FOSL2: variants seen among roughly 807,000 people sequenced by gnomAD.
FOSL2 encodes the protein fos-related antigen 2.
In FOSL2, 3 loss-of-function variants were observed where a neutral mutation model predicts 27.7. That is an observed-to-expected ratio of 0.11 (90% CI 0.05 to 0.28). The LOEUF is 0.28. Ranked by LOEUF, FOSL2 falls within the 10% of genes least tolerant of loss-of-function variation. The probability of loss-of-function intolerance (pLI) is 1.00; values close to 1 mark genes in which losing one functional copy is unlikely to be tolerated. For synonymous variants in FOSL2, 179 were observed against 190.1 expected, an observed-to-expected ratio of 0.94 and a Z score of 0.48; for missense variants, 333 against 445.1, an observed-to-expected ratio of 0.75 and a Z score of 2.27.
In FOSL2 at chr2:28,404,099, C is replaced by T. The variant is rs1463006227; in HGVS notation, c.103-8C>T. ...TTGGCTCATTTGTATTTTTTTTCCT[C>T]ATTTCAGAAATTCCGGGTAGATATG... On this transcript the variant is annotated splice_polypyrimidine_tract_variant and splice_region_variant and intron_variant, in intron 1 of 3. Coordinates refer to ENST00000264716, the MANE Select transcript of FOSL2 (RefSeq NM_005253.4). The surrounding 1 kb of genome is among the most constrained non-coding windows in gnomAD (Gnocchi z 4.7). 6.2e-7 allele frequency: 1 copy of T among 1,610,970 alleles called. No individual in the cohort carries two copies. Among genetic ancestry groups the T allele is most frequent in the Non-Finnish European group, 8.5e-7 (1 of 1,178,930 alleles).
At chr2:28,401,521 C>T (rs1231569353) in intron 1 of FOSL2, among the ~76,000 whole-genome samples, 2 of 152,180 alleles carry the variant, frequency 1.3e-5, no homozygotes, top group Non-Finnish European at 2.9e-5. Context: ...AGCCAGGCCT[C>T]AACCCCATGC....
At chr2:28,403,048 A>G (rs1664007161) in intron 1 of FOSL2, among the ~76,000 whole-genome samples, 2 of 152,044 alleles carry the variant, frequency 1.3e-5, no homozygotes. Context: ...CTACTTGGAG[A>G]AGCTTTATGT....
Position 28,404,453 on chromosome 2 carries a change from C to A in FOSL2, c.354+95C>A. 1.4e-6 allele frequency: 2 copies of A among 1,451,294 alleles called. No homozygotes were observed. Among genetic ancestry groups the A allele is most frequent in the South Asian group, 1.3e-5 (1 of 75,438 alleles). 89.9% of individuals were successfully genotyped at this position (1,451,294 alleles called of 1,614,324 possible). A position where few individuals can be genotyped will look rare whatever the true frequency, so the allele number is the denominator to read the frequency against. ...TCTGCAGACTGGGAGGGTTAATGTTCTGAGAGCAGGGGAGACAAGGGAGCT... is the reference window on the plus strand; with the variant it reads ...TCTGCAGACTGGGAGGGTTAATGTTATGAGAGCAGGGGAGACAAGGGAGCT... On this transcript the variant is annotated intron_variant, in intron 2 of 3. Coordinates refer to ENST00000264716, the MANE Select transcript of FOSL2 (RefSeq NM_005253.4). This position sits in a 1 kb window ranked among gnomAD's most constrained non-coding sequence, Gnocchi z 4.7.
chr2:28,394,279 T>C (rs1345002893), intron 1 of FOSL2, among the ~76,000 whole-genome samples: 1 of 152,030 alleles, frequency 6.6e-6, no homozygotes, highest in Non-Finnish European at 1.5e-5. Flanking sequence ...CCGTTCTCCA[T>C]CAGTCATAAC....
Position 28,414,534 on chromosome 2 carries a change from T to A in FOSL2, c.*2086T>A, listed in dbSNP as rs1315749895. 6.6e-6 allele frequency: 1 copy of A among 152,126 alleles called. No homozygotes were observed. The highest frequency in any genetic ancestry group is 1.5e-5 in the Non-Finnish European group (1 of 68,018). 9.4% of individuals were successfully genotyped at this position (152,126 alleles called of 1,614,324 possible). On this transcript the variant is annotated 3_prime_UTR_variant, in exon 4 of 4. Coordinates refer to ENST00000264716, the MANE Select transcript of FOSL2 (RefSeq NM_005253.4). ...AGAATGAGCCAGGAGTAGCAGGAGA[T>A]GGGCAAAGAAAACTGGGGTGCACTC...
chr2:28,404,408 C>G lies in FOSL2; in HGVS notation c.354+50C>G, dbSNP rs781466070. 6.4e-7 allele frequency: 1 copy of G among 1,574,224 alleles called. No individual in the cohort carries two copies. Among genetic ancestry groups the G allele is most frequent in the African/African-American group, 1.4e-5 (1 of 73,150 alleles). On this transcript the variant is annotated intron_variant, in intron 2 of 3. Transcript: ENST00000264716. This position sits in a 1 kb window ranked among gnomAD's most constrained non-coding sequence, Gnocchi z 4.7. The stretch of plus-strand genomic sequence containing the variant: ...AGCCACGTCAGTGGCTTTCAGAGCC[C>G]CAGAAACACAGAACGGGTTTCTGCA...
At chr2:28,406,039 A>C (rs927902904) in intron 2 of FOSL2, among the ~76,000 whole-genome samples, 1 of 139,764 alleles carries the variant, frequency 7.2e-6, no homozygotes, top group Admixed American at 7.2e-5. Context: ...AATGCTCTCC[A>C]TTCCCTTTTT....
At position 28,414,989 on chromosome 2, in the gene FOSL2, A is replaced by T. The variant is rs146215342; in HGVS notation, c.*2541A>T. ...AAGTCGTGAGCATATCCTGAGTTTT[A>T]CTTCCTTATGGCTTGCCCTCCAAGT... On this transcript the variant is annotated 3_prime_UTR_variant, in exon 4 of 4. Transcript: ENST00000264716. The T allele has an allele frequency of 1.7e-4, 26 of 152,314 alleles. No individual in the cohort carries two copies. The highest frequency in any genetic ancestry group is 6.3e-4 in the African/African-American group (26 of 41,564). 9.4% of individuals were successfully genotyped at this position (152,314 alleles called of 1,614,324 possible). A position where few individuals can be genotyped will look rare whatever the true frequency, so the allele number is the denominator to read the frequency against.
chr2:28,400,338 G>A lies in FOSL2; in HGVS notation c.103-3769G>A, dbSNP rs569322996. ...CCAGTGTGACATGTGGCTGATTCTC[G>A]GGTCTATTGGCATAGAAGAATGCTA... On this transcript the variant is annotated intron_variant, in intron 1 of 3. Coordinates refer to ENST00000264716, the MANE Select transcript of FOSL2 (RefSeq NM_005253.4). 3.9e-5 allele frequency among the ~76,000 whole-genome samples: 6 copies of A among 152,290 alleles called. No individual in the cohort carries two copies. In the East Asian group the frequency reaches 7.7e-4, roughly 20 times the overall value.
At chr2:28,406,295 C>G (rs1404330037) in intron 2 of FOSL2, among the ~76,000 whole-genome samples, 3 of 152,112 alleles carry the variant, frequency 2.0e-5, no homozygotes, top group Admixed American at 1.3e-4. Flanking sequence ...CTCCTGACCT[C>G]AGGTGATCCA....
chr2:28,406,125 G>A (rs1022811518), intron 2 of FOSL2, among the ~76,000 whole-genome samples: 1 of 148,624 alleles, frequency 6.7e-6, no homozygotes, highest in Non-Finnish European at 1.5e-5. Context: ...GCACGATCTC[G>A]GCTCACTACA....
At chr2:28,394,483 G>C (rs1663765885) in intron 1 of FOSL2, 1 of 152,890 alleles carries the variant, frequency 6.5e-6, no homozygotes, top group African/African-American at 2.4e-5. Context: ...CTTCTGTAAG[G>C]ATCACGGACA....
chr2:28,395,304 A>G (rs1663792496), intron 1 of FOSL2, among the ~76,000 whole-genome samples: 1 of 152,206 alleles, frequency 6.6e-6, no homozygotes, highest in Non-Finnish European at 1.5e-5. Flanking sequence ...GACAAACCCC[A>G]AACGCCTGTC....
At chr2:28,400,375 G>GT (rs1663944435) in intron 1 of FOSL2, among the ~76,000 whole-genome samples, 1 of 152,174 alleles carries the variant, frequency 6.6e-6, no homozygotes, top group Non-Finnish European at 1.5e-5. Flanking sequence ...GCTAACTTCT[G>GT]GGACCACAAA....
At chr2:28,397,225 A>ATAT (rs1310844045) in intron 1 of FOSL2, 8 of 151,338 alleles carry the variant, frequency 5.3e-5, no homozygotes, top group African/African-American at 7.3e-5. Flanking sequence ...AAAAAATAAA[A>ATAT]ATAAAAAAAG....
intron 1 of FOSL2, among the ~76,000 whole-genome samples, chr2:28,396,262 C>T (rs1442223351): frequency 1.3e-5 from 2 of 151,550 alleles, no homozygotes; most frequent in African/African-American, 4.9e-5. Context: ...GATCTTAATA[C>T]ATGGCCATGA....
chr2:28,392,872 C>G lies in FOSL2; in HGVS notation c.-849C>G, dbSNP rs960077568. 1.1e-5 allele frequency: 8 copies of G among 715,350 alleles called. No individual in the cohort carries two copies. The highest frequency in any genetic ancestry group is 2.1e-5 in the Non-Finnish European group (8 of 383,834). The allele number at this position is 715,350 out of a possible 1,614,324, so 44.3% of individuals were successfully genotyped here. A position where few individuals can be genotyped will look rare whatever the true frequency, so the allele number is the denominator to read the frequency against. ...CTCGTGCCATTGTAGTGACTCATCT[C>G]GGGCAGAGCGCTAGGGCTCCGAGCG... On this transcript the variant is annotated 5_prime_UTR_variant, in exon 1 of 4. Transcript: ENST00000264716.
intron 1 of FOSL2, among the ~76,000 whole-genome samples, chr2:28,399,969 A>G (rs1188313647): frequency 2.6e-5 from 4 of 152,258 alleles, no homozygotes; most frequent in African/African-American, 9.6e-5. Context: ...AGTTTGCTAA[A>G]CTCTGCTCTA....
chr2:28,411,394 C>T (rs566288014), intron 3 of FOSL2, among the ~76,000 whole-genome samples: 11 of 152,166 alleles, frequency 7.2e-5, no homozygotes, highest in African/African-American at 2.6e-4. Context: ...AGCTGTGTTC[C>T]GTACCCCCTT....
Sources: allele counts gnomAD v4.1 joint callset (sites outside exome capture counted in the v4.1 genomes callset), GRCh38; gene constraint gnomAD v4.1.1; non-coding constraint Gnocchi (gnomAD v3.1); transcripts MANE v1.5; gene names NCBI Gene and HGNC (gene_info 2026-07-23, HGNC 2026-07-21).